ERBB4: variants seen among roughly 807,000 people sequenced by gnomAD.
The protein encoded by ERBB4 is erb-b2 receptor tyrosine kinase 4, also known as receptor tyrosine-protein kinase erbB-4.
A neutral mutation model predicts 158.0 loss-of-function variants in ERBB4; 42 were observed. The observed-to-expected ratio is 0.27, with a 90% CI of 0.21 to 0.34. The LOEUF is 0.34. Ranked by LOEUF, ERBB4 falls within the 10% of genes least tolerant of loss-of-function variation. The pLI is 1.00. For missense variants in ERBB4, 1,333 were observed against 1,624.1 expected (o/e 0.82, Z 3.08); for synonymous variants, 583 against 558.7 (o/e 1.04, Z -0.61).
chr2:212,372,191 A>G (rs1158761939), intron 1 of ERBB4, among the ~76,000 whole-genome samples: 5 of 152,160 alleles, frequency 3.3e-5, no homozygotes, highest in Non-Finnish European at 7.3e-5. Flanking sequence ...AAGCAAGGAC[A>G]TCAGACACAA....
intron 1 of ERBB4, among the ~76,000 whole-genome samples, chr2:212,373,684 G>T (rs1264912575): frequency 2.1e-5 from 3 of 144,554 alleles, no homozygotes; most frequent in Non-Finnish European, 4.6e-5. Flanking sequence ...AAAACCAATG[G>T]AGATACATAT....
chr2:211,428,317 A>AACAAAAT, intron 22 of ERBB4, 91 bp downstream of exon 22: 1 of 790,424 alleles, frequency 1.3e-6, no homozygotes, highest in Non-Finnish European at 2.3e-6. Context: ...TTTATAACAC[A>AACAAAAT]ACAAAATAAT....
chr2:211,863,994 T>C (rs1437722700), intron 3 of ERBB4, among the ~76,000 whole-genome samples: 2 of 152,078 alleles, frequency 1.3e-5, no homozygotes, highest in African/African-American at 4.8e-5. Flanking sequence ...TTAGAAGCAT[T>C]GAGAGAGAAG....
intron 20 of ERBB4, among the ~76,000 whole-genome samples, chr2:211,493,560 AAAAAAC>A (rs1162594327): frequency 3.3e-5 from 5 of 149,500 alleles, no homozygotes; most frequent in Admixed American, 1.3e-4. Flanking sequence ...CTTAAAATAC[AAAAAAC>A]AAAAACAAAA....
intron 2 of ERBB4, among the ~76,000 whole-genome samples, chr2:212,108,531 T>A (rs16847714): frequency 6.6e-6 from 1 of 152,092 alleles, no homozygotes; most frequent in Non-Finnish European, 1.5e-5. Context: ...ATACCATACT[T>A]TAAAACTCTC....
At chr2:211,700,194 T>C (rs1193604713) in intron 12 of ERBB4, among the ~76,000 whole-genome samples, 1 of 152,190 alleles carries the variant, frequency 6.6e-6, no homozygotes, top group Admixed American at 6.5e-5. Context: ...GATTCTATCT[T>C]ATTGCCATGA....
chr2:212,373,915 CCATA>C (rs1435588476), intron 1 of ERBB4, among the ~76,000 whole-genome samples: 8 of 75,554 alleles, frequency 1.1e-4, no homozygotes, highest in African/African-American at 4.4e-4. Context: ...ATGTATATAT[CCATA>C]TATATATATC....
rs192907584 is a variant in ERBB4, at chr2:212,146,962, A to C, written c.83-22059T>G. Among the ~76,000 whole-genome samples, 29 of 149,264 alleles carry C rather than the reference A, an allele frequency of 1.9e-4. No individual in the cohort carries two copies. The Middle Eastern group carries it at 0.017, about 89-fold the overall frequency. On this transcript the variant is annotated intron_variant, in intron 1 of 27. Transcript: ENST00000342788. ...TATCTGGGGGAAAAAGTTGGCAGAGAGAAGCTCTGTTGTCATTGTTAGACT... is the reference window on the plus strand; with the variant it reads ...TATCTGGGGGAAAAAGTTGGCAGAGCGAAGCTCTGTTGTCATTGTTAGACT...
At chr2:211,384,388 A>T (rs1447986515) in intron 27 of ERBB4, among the ~76,000 whole-genome samples, 1 of 152,180 alleles carries the variant, frequency 6.6e-6, no homozygotes, top group Non-Finnish European at 1.5e-5. Flanking sequence ...AAAGTTATTT[A>T]TATTAGGAAA....
chr2:212,236,822 T>C (rs959012355), intron 1 of ERBB4, among the ~76,000 whole-genome samples: 4 of 152,242 alleles, frequency 2.6e-5, no homozygotes, highest in Admixed American at 6.5e-5. Context: ...ATCTCCTTTA[T>C]CAAATTTTAT....
At chr2:211,414,538 AAAAG>A (rs1411934206) in intron 25 of ERBB4, among the ~76,000 whole-genome samples, 2 of 151,684 alleles carry the variant, frequency 1.3e-5, no homozygotes, top group African/African-American at 2.4e-5. Flanking sequence ...AGAAAAGAAG[AAAAG>A]AAAGAAAATA....
intron 1 of ERBB4, among the ~76,000 whole-genome samples, chr2:212,218,415 C>T (rs2083176610): frequency 1.3e-5 from 2 of 151,150 alleles, no homozygotes; most frequent in African/African-American, 4.8e-5. Context: ...TTTTGTCTGT[C>T]TGTTTGTTTG....
chr2:211,418,656 G>C (rs2063446566), intron 25 of ERBB4, among the ~76,000 whole-genome samples: 1 of 152,052 alleles, frequency 6.6e-6, no homozygotes, highest in Non-Finnish European at 1.5e-5. Context: ...AAGATTTATA[G>C]CATTGCAAGC....
rs374197755 is a variant in ERBB4 at position 212,091,535 on chromosome 2, T to C, written c.234+33217A>G. ...CCCTCTTAACACTGCCAATGGTTGCTGTATCATTTTGCATGACCCCTGAAG... is the reference window on the plus strand; with the variant it reads ...CCCTCTTAACACTGCCAATGGTTGCCGTATCATTTTGCATGACCCCTGAAG... On this transcript the variant is annotated intron_variant, in intron 2 of 27. Transcript: ENST00000342788. 8.5e-5 allele frequency among the ~76,000 whole-genome samples: 13 copies of C among 152,164 alleles called. No individual in the cohort carries two copies. In the South Asian group the frequency reaches 2.5e-3, roughly 29 times the overall value.
At chr2:212,062,396 A>ATTTTTTTTTTTTTTTT (rs1559419685) in intron 2 of ERBB4, among the ~76,000 whole-genome samples, 16 of 96,534 alleles carry the variant, frequency 1.7e-4, no homozygotes, top group Middle Eastern at 7.6e-3. Context: ...TCACTTGTCA[A>ATTTTTTTTTTTTTTTT]TTCTTTTTTT....
intron 3 of ERBB4, among the ~76,000 whole-genome samples, chr2:211,860,118 A>G (rs2077974412): frequency 6.6e-6 from 1 of 152,188 alleles, no homozygotes; most frequent in Admixed American, 6.5e-5. Context: ...CTATGTGAGA[A>G]AAGTCACAAG....
Position 212,003,182 on chromosome 2 carries a change from A to G in ERBB4, c.235-55566T>C, listed in dbSNP as rs1559292996. Among the ~76,000 whole-genome samples, 541 of 58,114 alleles carry G rather than the reference A, an allele frequency of 9.3e-3. 29 individuals are homozygous for G. Among genetic ancestry groups the G allele is most frequent in the Non-Finnish European group, 0.019 (422 of 22,460 alleles). 38.1% of individuals were successfully genotyped at this position (58,114 alleles called of 152,430 possible). On this transcript the variant is annotated intron_variant, in intron 2 of 27. Coordinates refer to ENST00000342788, the MANE Select transcript of ERBB4 (RefSeq NM_005235.3). Reference sequence around the variant, plus strand: ...GAAAGAAAGAAAGAAAGAAAGAAAGAAAGAAAGAAAGAAAGAAAGAAAGAC... The same window carrying G: ...GAAAGAAAGAAAGAAAGAAAGAAAGGAAGAAAGAAAGAAAGAAAGAAAGAC...
At chr2:212,148,245 C>T (rs960012017) in intron 1 of ERBB4, among the ~76,000 whole-genome samples, 2 of 151,278 alleles carry the variant, frequency 1.3e-5, no homozygotes, top group Admixed American at 6.6e-5. Context: ...CTTTTTTATG[C>T]AATGAATATA....
chr2:211,910,723 A>C (rs1326983801), intron 3 of ERBB4, among the ~76,000 whole-genome samples: 2 of 152,114 alleles, frequency 1.3e-5, no homozygotes, highest in East Asian at 3.9e-4. Flanking sequence ...CCTAAACTTA[A>C]AAGTTTTTAA....
Sources: gnomAD v4.1 joint callset for allele counts (sites outside exome capture counted in the v4.1 genomes callset) on GRCh38, gnomAD v4.1.1 for gene constraint, MANE v1.5 for transcripts, NCBI Gene and HGNC (gene_info 2026-07-23, HGNC 2026-07-21) for gene names.